The following SIX4 variants were observed in gnomAD, a reference collection of about 807,000 sequenced individuals.
SIX4 encodes the protein homeobox protein SIX4.
Under a neutral mutation model 51.5 loss-of-function variants are expected in SIX4, and 23 were observed. The ratio of observed to expected loss-of-function variants is 0.45; its 90% confidence interval spans 0.32 to 0.63. The LOEUF (loss-of-function observed/expected upper bound fraction) is 0.63, where lower values mean the gene tolerates loss of function less well. SIX4 is among the 30% of genes least tolerant of loss of function. The pLI is 0.04. For synonymous variants in SIX4, 413 were observed against 417.3 expected, an observed-to-expected ratio of 0.99 and a Z score of 0.13; for missense variants, 867 against 984.0, an observed-to-expected ratio of 0.88 and a Z score of 1.59.
Position 60,723,782 on chromosome 14 carries a change from G to A in SIX4, c.293C>T (p.Ala98Val), listed in dbSNP as rs1440319734. Residue 98 changes from alanine (A) to valine (V), a missense_variant, in exon 1 of 3, where the codon GCC becomes GTC. Transcript: ENST00000216513. Reference protein sequence around the residue: ...SELLGRHHHAAAAAAQTPLAF... With the variant: ...SELLGRHHHAVAAAAQTPLAF... ...CAGCGGGGTCTGCGCGGCGGCGGCG[G>A]CGGCGTGGTGGTGCCTGCCCAGAAG... 1.3e-6 allele frequency: 2 copies of A among 1,537,070 alleles called. No individual in the cohort carries two copies. The highest frequency in any genetic ancestry group is 4.0e-5 in the Admixed American group (2 of 50,584).
chr14:60,710,684 G>C lies in SIX4; in HGVS notation c.*2723C>G, dbSNP rs901363446. The C allele has an allele frequency of 4.6e-5, 7 of 152,584 alleles. No homozygotes were observed. The highest frequency in any genetic ancestry group is 9.7e-5 in the African/African-American group (4 of 41,432). 9.5% of individuals were successfully genotyped at this position (152,584 alleles called of 1,614,324 possible). ...GCCCTTGGTATGGCAAAAGACATTT[G>C]CAATTCTGTGCAAGGAGATCATGGG... On this transcript the variant is annotated 3_prime_UTR_variant, in exon 3 of 3. Coordinates refer to ENST00000216513, the MANE Select transcript of SIX4 (RefSeq NM_017420.5).
chr14:60,723,706 C>G lies in SIX4; in HGVS notation c.369G>C (p.Gly123=). ...ACCGGGCCAGGCGGTCCAGGTTGCC[C>G]CCCTGCTGCAGTGCCTCGCACACGC... is the stretch of plus-strand genomic sequence containing the variant. The part of the protein sequence containing the change: ...VACVCEALQQ[G]GNLDRLARFL... The change falls in exon 1 of 3, where the codon GGG becomes GGC. Residue 123 remains glycine, a synonymous_variant. Transcript: ENST00000216513. 6.4e-7 allele frequency: 1 copy of G among 1,557,770 alleles called. No individual in the cohort carries two copies.
intron 2 of SIX4, among the ~76,000 whole-genome samples, chr14:60,714,436 C>T (rs1895881249): frequency 6.6e-6 from 1 of 152,038 alleles, no homozygotes; most frequent in Non-Finnish European, 1.5e-5. Flanking sequence ...TTTACCTCTC[C>T]AAGTAAATAT....
At chr14:60,716,284 G>C (rs148462530) in intron 2 of SIX4, among the ~76,000 whole-genome samples, 1 of 151,638 alleles carries the variant, frequency 6.6e-6, no homozygotes, top group East Asian at 1.9e-4. Flanking sequence ...ACAGAGTCTC[G>C]CTCTGTCACC....
chr14:60,714,761 G>C (rs970330696), intron 2 of SIX4, among the ~76,000 whole-genome samples: 1 of 151,580 alleles, frequency 6.6e-6, no homozygotes, highest in Admixed American at 6.6e-5. Context: ...TGCCTCCTGG[G>C]TTCAAGTGAT....
chr14:60,718,477 G>C (rs1392111087), intron 2 of SIX4, among the ~76,000 whole-genome samples: 1 of 151,994 alleles, frequency 6.6e-6, no homozygotes, highest in Admixed American at 6.5e-5. Context: ...CATTCTTTCT[G>C]CTCAAATTTG....
rs562021139 is a variant in SIX4 at position 60,721,325 on chromosome 14, C to T, written c.864-880G>A. 5.5e-4 allele frequency among the ~76,000 whole-genome samples: 84 copies of T among 152,196 alleles called. No individual in the cohort carries two copies. The South Asian group carries it at 6.2e-3, about 11-fold the overall frequency. ...ATGGGGTTTCCCATTTGGTCTGAGG[C>T]TGGGAGGGAGAGCAAACGAGAGCAG... is the stretch of plus-strand genomic sequence containing the variant. On this transcript the variant is annotated intron_variant, in intron 1 of 2. Transcript: ENST00000216513.
rs541050741 is a variant in SIX4, at chr14:60,709,686, T to G, written c.*3721A>C. 1.5e-3 allele frequency: 228 copies of G among 152,738 alleles called. 2 individuals are homozygous for G. Among genetic ancestry groups the G allele is most frequent in the Non-Finnish European group, 5.9e-4 (40 of 68,022 alleles). 9.5% of individuals were successfully genotyped at this position (152,738 alleles called of 1,614,324 possible). On this transcript the variant is annotated 3_prime_UTR_variant, in exon 3 of 3. Coordinates refer to ENST00000216513, the MANE Select transcript of SIX4 (RefSeq NM_017420.5). The surrounding 1 kb of genome is among the most constrained non-coding windows in gnomAD (Gnocchi z 4.1). Reference sequence around the variant, plus strand: ...CTTCAGATCTCTTTGGTTGGGTAATTAAGCACAGAAATGTTCTGGGACATG... The same window carrying G: ...CTTCAGATCTCTTTGGTTGGGTAATGAAGCACAGAAATGTTCTGGGACATG...
rs1020674498 is a variant in SIX4, at chr14:60,724,282, A to C, written c.-208T>G. Reference sequence around the variant, plus strand: ...ATTAAGATAGCTGTTAGAGCAAAGTAGTGTAAACGGATAGCTGCTTTCTGC... The same window carrying C: ...ATTAAGATAGCTGTTAGAGCAAAGTCGTGTAAACGGATAGCTGCTTTCTGC... On this transcript the variant is annotated 5_prime_UTR_variant, in exon 1 of 3. Transcript: ENST00000216513. 2.6e-6 allele frequency: 4 copies of C among 1,530,018 alleles called. No individual in the cohort carries two copies. Among genetic ancestry groups the C allele is most frequent in the Non-Finnish European group, 3.5e-6 (4 of 1,143,522 alleles). 94.8% of individuals were successfully genotyped at this position (1,530,018 alleles called of 1,614,324 possible).
chr14:60,712,992 C>T lies in SIX4; in HGVS notation c.*415G>A, dbSNP rs1895850489. ...TATGTTTCTTAACCTTTTCAATGCCCATGGAGTAAAAGTAAACAAAAACAA... is the reference window on the plus strand; with the variant it reads ...TATGTTTCTTAACCTTTTCAATGCCTATGGAGTAAAAGTAAACAAAAACAA... On this transcript the variant is annotated 3_prime_UTR_variant, in exon 3 of 3. Transcript: ENST00000216513. 6.4e-6 allele frequency: 1 copy of T among 156,928 alleles called. No homozygotes were observed. The highest frequency in any genetic ancestry group is 2.4e-5 in the African/African-American group (1 of 41,496). The allele number at this position is 156,928 out of a possible 1,614,324, so 9.7% of individuals were successfully genotyped here.
rs940391234 is a variant in SIX4, at chr14:60,724,281, T to G, written c.-207A>C. ...CATTAAGATAGCTGTTAGAGCAAAG[T>G]AGTGTAAACGGATAGCTGCTTTCTG... is the stretch of plus-strand genomic sequence containing the variant. On this transcript the variant is annotated 5_prime_UTR_variant, in exon 1 of 3. Coordinates refer to ENST00000216513, the MANE Select transcript of SIX4 (RefSeq NM_017420.5). 6.5e-7 allele frequency: 1 copy of G among 1,529,464 alleles called. No individual in the cohort carries two copies. Among genetic ancestry groups the G allele is most frequent in the East Asian group, 2.5e-5 (1 of 40,510 alleles). 94.7% of individuals were successfully genotyped at this position (1,529,464 alleles called of 1,614,324 possible).
Position 60,720,906 on chromosome 14 carries a change from C to CAAGGT in SIX4, c.864-462_864-461insACCTT. 1 of 953,372 alleles carries CAAGGT rather than the reference C, an allele frequency of 1.0e-6. No individual in the cohort carries two copies. The highest frequency in any genetic ancestry group is 1.3e-6 in the Non-Finnish European group (1 of 799,646). The allele number at this position is 953,372 out of a possible 1,614,324, so 59.1% of individuals were successfully genotyped here. On this transcript the variant is annotated intron_variant, in intron 1 of 2. Transcript: ENST00000216513. This position sits in a 1 kb window ranked among gnomAD's most constrained non-coding sequence, Gnocchi z 5.5. ...TTATCTTGGAGGTAAATGAAGCTGC[C>CAAGGT]AAAGGAGCAGGAGGTAGGAAGTGCT...
chr14:60,719,656 T>G lies in SIX4; in HGVS notation c.1549+104A>C. 8.6e-7 allele frequency: 1 copy of G among 1,158,676 alleles called. No individual in the cohort carries two copies. Among genetic ancestry groups the G allele is most frequent in the East Asian group, 2.4e-5 (1 of 41,208 alleles). 71.8% of individuals were successfully genotyped at this position (1,158,676 alleles called of 1,614,324 possible). On this transcript the variant is annotated intron_variant, in intron 2 of 2. Coordinates refer to ENST00000216513, the MANE Select transcript of SIX4 (RefSeq NM_017420.5). This position sits in a 1 kb window ranked among gnomAD's most constrained non-coding sequence, Gnocchi z 4.9. ...TCTACAGCTTCGGCAGCTAATAAGG[T>G]ACCTGAACAGAAACATCAATCTATA...
chr14:60,723,914 T>A lies in SIX4; in HGVS notation c.161A>T (p.Glu54Val). 3 of 1,515,878 alleles carry A rather than the reference T, an allele frequency of 2.0e-6. No homozygotes were observed. Among genetic ancestry groups the A allele is most frequent in the Non-Finnish European group, 1.7e-6 (2 of 1,146,134 alleles). 93.9% of individuals were successfully genotyped at this position (1,515,878 alleles called of 1,614,324 possible). Residue 54 changes from glutamate (E) to valine (V), a missense_variant, in exon 1 of 3, where the codon GAG (glutamate) becomes GTG (valine). By Grantham distance (121) the Glu-to-Val change is moderately radical. Coordinates refer to ENST00000216513, the MANE Select transcript of SIX4 (RefSeq NM_017420.5). ...GGCAGCGGTCGCGGCGTCCCCCGGC[T>A]CCAGGGGAAAAGGGGCTGGAGCCGG... ...SPPAPAPFPL[E>V]PGDAATAAAR...
rs2140266380 is a variant in SIX4, at chr14:60,713,883, G to A, written c.1870C>T (p.Pro624Ser). Residue 624 changes from proline (P) to serine (S), a missense_variant, in exon 3 of 3, where the codon CCC (proline) becomes TCC (serine). Physicochemically the swap from Pro to Ser is moderately conservative, Grantham distance 74 (BLOSUM62 -1). Transcript: ENST00000216513. Reference sequence around the variant, plus strand: ...TCAGTGGGATTTAGTAGTGTAGAGGGACTGAGAGAAAAATTGTGAGTTGGA... The same window carrying A: ...TCAGTGGGATTTAGTAGTGTAGAGGAACTGAGAGAAAAATTGTGAGTTGGA... The part of the protein sequence containing the change: ...VSPTHNFSLS[P>S]STLLNPTELN... The A allele has an allele frequency of 1.2e-6, 2 of 1,614,100 alleles. No homozygotes were observed. The highest frequency in any genetic ancestry group is 1.7e-6 in the Non-Finnish European group (2 of 1,180,012).
intron 1 of SIX4, among the ~76,000 whole-genome samples, chr14:60,721,619 G>T (rs1277897444): frequency 6.7e-6 from 1 of 149,460 alleles, no homozygotes; most frequent in Non-Finnish European, 1.5e-5. Context: ...GGCGGGGTGG[G>T]TGTGGAGTTT....
chr14:60,723,596 C>T lies in SIX4; in HGVS notation c.479G>A (p.Gly160Asp). Residue 160 changes from glycine (G) to aspartate (D), a missense_variant, in exon 1 of 3, where the codon GGC (glycine) becomes GAC (aspartate). Coordinates refer to ENST00000216513, the MANE Select transcript of SIX4 (RefSeq NM_017420.5). ...GATGCTGTAGAGCTCGGGGTAGATG[C>T]CCTGGTGGAAGGCCACGAGCGCCCG... ...KARALVAFHQGIYPELYSILE... is the reference protein window; with the variant it reads ...KARALVAFHQDIYPELYSILE... 1 of 1,610,896 alleles carries T rather than the reference C, an allele frequency of 6.2e-7. No individual in the cohort carries two copies. The highest frequency in any genetic ancestry group is 8.5e-7 in the Non-Finnish European group (1 of 1,179,202).
Position 60,722,760 on chromosome 14 carries a change from T to C in SIX4, c.863+452A>G, listed in dbSNP as rs1303249350. ...GAGCGTGCGCGCGCGCCAGGCCCGG[T>C]GTGACCTCGCGGAGGTGCAGACCCC... On this transcript the variant is annotated intron_variant, in intron 1 of 2. Transcript: ENST00000216513. This position sits in a 1 kb window ranked among gnomAD's most constrained non-coding sequence, Gnocchi z 5.9. 2.6e-5 allele frequency among the ~76,000 whole-genome samples: 4 copies of C among 151,642 alleles called. No homozygotes were observed. Among genetic ancestry groups the C allele is most frequent in the Non-Finnish European group, 5.9e-5 (4 of 67,884 alleles).
Position 60,720,552 on chromosome 14 carries a change from T to A in SIX4, c.864-107A>T. 1 of 1,103,426 alleles carries A rather than the reference T, an allele frequency of 9.1e-7. No individual in the cohort carries two copies. The highest frequency in any genetic ancestry group is 1.3e-6 in the Non-Finnish European group (1 of 773,696). 68.4% of individuals were successfully genotyped at this position (1,103,426 alleles called of 1,614,324 possible). A position where few individuals can be genotyped will look rare whatever the true frequency, so the allele number is the denominator to read the frequency against. ...TTCTAAATCCATTAAAGGCAGTATTTAAGGAAAGCACAGCAGGATATCTGC... is the reference window on the plus strand; with the variant it reads ...TTCTAAATCCATTAAAGGCAGTATTAAAGGAAAGCACAGCAGGATATCTGC... On this transcript the variant is annotated intron_variant, in intron 1 of 2. Transcript: ENST00000216513. This position sits in a 1 kb window ranked among gnomAD's most constrained non-coding sequence, Gnocchi z 5.5.
Sources: allele counts gnomAD v4.1 joint callset (sites outside exome capture counted in the v4.1 genomes callset), GRCh38; gene constraint gnomAD v4.1.1; non-coding constraint Gnocchi (gnomAD v3.1); transcripts MANE v1.5; gene names NCBI Gene and HGNC (gene_info 2026-07-23, HGNC 2026-07-21).